Variants in GPC5 observed in about 807,000 individuals in gnomAD.
GPC5 encodes glypican 5.
GPC5 carries 47 observed loss-of-function variants against 53.9 expected under a neutral mutation model. The observed-to-expected ratio is 0.87, with a 90% CI of 0.69 to 1.11. GPC5 has a LOEUF of 1.11. Among genes scored for constraint, GPC5 ranks in the 50% most tolerant of loss-of-function variants. The pLI, the probability that GPC5 is intolerant of heterozygous loss-of-function variation, is 0.00. For missense variants in GPC5, 748 were observed against 713.1 expected (o/e 1.05, Z -0.56); for synonymous variants, 286 against 263.3 (o/e 1.09, Z -0.84).
intron 7 of GPC5, among the ~76,000 whole-genome samples, chr13:92,169,739 C>G (rs1024824166): frequency 6.6e-6 from 1 of 150,636 alleles, no homozygotes; most frequent in African/African-American, 2.4e-5. Flanking sequence ...CATCTAGTAA[C>G]AGCTGTAAAG....
chr13:92,646,957 T>TGTGG (rs2139159506), intron 7 of GPC5, among the ~76,000 whole-genome samples: 1 of 151,134 alleles, frequency 6.6e-6, no homozygotes, highest in Non-Finnish European at 1.5e-5. Flanking sequence ...TGTGTGTGTG[T>TGTGG]GTGTGTGTGT....
chr13:92,519,168 C>G (rs1880922388), intron 7 of GPC5, among the ~76,000 whole-genome samples: 1 of 152,154 alleles, frequency 6.6e-6, no homozygotes, highest in Non-Finnish European at 1.5e-5. Context: ...GACTCCCACA[C>G]AATAATAATG....
chr13:92,860,747 C>G (rs1879154227), intron 7 of GPC5, among the ~76,000 whole-genome samples: 1 of 152,050 alleles, frequency 6.6e-6, no homozygotes, highest in South Asian at 2.1e-4. Context: ...TGAATCTTTT[C>G]CATGATATTT....
At chr13:91,424,361 CT>C (rs781733611) in intron 1 of GPC5, among the ~76,000 whole-genome samples, 7,297 of 113,400 alleles carry the variant, frequency 0.064, 155 homozygotes, top group East Asian at 0.11. Flanking sequence ...TCCAGTACTG[CT>C]TTTTTTTTTT....
At chr13:92,632,202 C>G (rs1393504324) in intron 7 of GPC5, among the ~76,000 whole-genome samples, 2 of 151,898 alleles carry the variant, frequency 1.3e-5, no homozygotes, top group Non-Finnish European at 2.9e-5. Flanking sequence ...GCTCTTTGGC[C>G]AATTTGAATG....
At chr13:92,257,047 C>A (rs933733456) in intron 7 of GPC5, among the ~76,000 whole-genome samples, 2 of 139,706 alleles carry the variant, frequency 1.4e-5, no homozygotes, top group South Asian at 4.2e-4. Flanking sequence ...AATAGTCATG[C>A]AGTATTTGTC....
rs369804279 is a variant in GPC5, at chr13:91,739,597, G to C, written c.1154+10932G>C. Among the ~76,000 whole-genome samples the C allele has an allele frequency of 1.5e-4, 23 of 151,252 alleles. No individual in the cohort carries two copies. The East Asian group carries it at 2.7e-3, about 18-fold the overall frequency. On this transcript the variant is annotated intron_variant, in intron 4 of 7. Coordinates refer to ENST00000377067, the MANE Select transcript of GPC5 (RefSeq NM_004466.6). Reference sequence around the variant, plus strand: ...GGAGTATCATCTCCCAAGATTGCTTGCTCACATGGCTGTTGGTGGGAGGCC... The same window carrying C: ...GGAGTATCATCTCCCAAGATTGCTTCCTCACATGGCTGTTGGTGGGAGGCC...
intron 6 of GPC5, among the ~76,000 whole-genome samples, chr13:92,054,831 A>C (rs1238860447): frequency 1.9e-5 from 2 of 107,036 alleles, no homozygotes; most frequent in Non-Finnish European, 4.3e-5. Context: ...ACATTGAACT[A>C]TACAAAATCC....
At chr13:92,174,566 C>T (rs1028480106) in intron 7 of GPC5, among the ~76,000 whole-genome samples, 17 of 149,766 alleles carry the variant, frequency 1.1e-4, no homozygotes, top group East Asian at 5.8e-4. Flanking sequence ...ACAACAACAA[C>T]AACAAAAAAA....
At chr13:91,498,505 T>C (rs987894064) in intron 2 of GPC5, among the ~76,000 whole-genome samples, 1 of 152,028 alleles carries the variant, frequency 6.6e-6, no homozygotes, top group Non-Finnish European at 1.5e-5. Context: ...CATAATTAAC[T>C]AGGGTGTGAA....
intron 6 of GPC5, among the ~76,000 whole-genome samples, chr13:91,993,093 C>G (rs1469418635): frequency 1.3e-5 from 2 of 152,202 alleles, no homozygotes; most frequent in African/African-American, 4.8e-5. Context: ...TTTGCACTCT[C>G]TCTGAGACAG....
intron 1 of GPC5, 44 bp downstream of exon 1, chr13:91,399,253 C>G: frequency 6.3e-7 from 1 of 1,587,038 alleles, no homozygotes. Context: ...GCGTCCGAGC[C>G]CGGCCTTCGC....
At chr13:91,831,308 C>T (rs2038655639) in intron 5 of GPC5, among the ~76,000 whole-genome samples, 1 of 151,546 alleles carries the variant, frequency 6.6e-6, no homozygotes, top group Non-Finnish European at 1.5e-5. Flanking sequence ...CTCATTTTTA[C>T]ATTTTTCTGT....
intron 7 of GPC5, among the ~76,000 whole-genome samples, chr13:92,754,356 T>C (rs1481968801): frequency 1.3e-5 from 2 of 152,104 alleles, no homozygotes; most frequent in African/African-American, 4.8e-5. Context: ...GCACAAACGG[T>C]ACCAACTACT....
chr13:92,147,594 T>G (rs1273777916), intron 7 of GPC5, among the ~76,000 whole-genome samples: 1 of 151,980 alleles, frequency 6.6e-6, no homozygotes, highest in East Asian at 1.9e-4. Flanking sequence ...TGACAAAAAT[T>G]TTTACTTCAA....
rs1883187470 is a variant in GPC5 at position 91,479,468 on chromosome 13, T to A, written c.325+30546T>A. 3.3e-5 allele frequency among the ~76,000 whole-genome samples: 5 copies of A among 152,124 alleles called. No individual in the cohort carries two copies. The South Asian group carries it at 1.0e-3, about 32-fold the overall frequency. On this transcript the variant is annotated intron_variant, in intron 2 of 7. Transcript: ENST00000377067. ...TTTTGGAGAATAATTAGGAAGATCCTTGGATTTCTGAGAGTAAGAATAAAG... is the reference window on the plus strand; with the variant it reads ...TTTTGGAGAATAATTAGGAAGATCCATGGATTTCTGAGAGTAAGAATAAAG...
At chr13:91,644,508 T>G (rs1214440394) in intron 2 of GPC5, among the ~76,000 whole-genome samples, 3 of 152,220 alleles carry the variant, frequency 2.0e-5, no homozygotes, top group Admixed American at 1.3e-4. Flanking sequence ...CCTCTTTTCA[T>G]TTTCAGTTTT....
chr13:92,071,847 A>G (rs2041214005), intron 6 of GPC5, among the ~76,000 whole-genome samples: 2 of 147,520 alleles, frequency 1.4e-5, no homozygotes, highest in South Asian at 4.2e-4. Context: ...ATATATATAT[A>G]ACGAATTTAT....
intron 7 of GPC5, among the ~76,000 whole-genome samples, chr13:92,736,448 A>C (rs769866352): frequency 7.9e-5 from 12 of 151,962 alleles, no homozygotes; most frequent in Non-Finnish European, 1.6e-4. Flanking sequence ...ATAATAGTGC[A>C]CTTGAGGGCT....
Sources: gnomAD v4.1 joint callset for allele counts (sites outside exome capture counted in the v4.1 genomes callset) on GRCh38, gnomAD v4.1.1 for gene constraint, MANE v1.5 for transcripts, NCBI Gene and HGNC (gene_info 2026-07-23, HGNC 2026-07-21) for gene names.